GK5: variants seen among roughly 807,000 people sequenced by gnomAD.
GK5 encodes glycerol kinase 5, also known as ATP:glycerol 3-phosphotransferase 5.
A neutral mutation model predicts 77.3 loss-of-function variants in GK5; 39 were observed. The ratio of observed to expected loss-of-function variants is 0.50; its 90% CI spans 0.39 to 0.66. The LOEUF is 0.66. GK5 is among the 30% of genes least tolerant of loss of function. The probability of loss-of-function intolerance (pLI) is 0.00; values close to 1 mark genes in which losing one functional copy is unlikely to be tolerated. For missense variants in GK5, 487 were observed against 633.8 expected (o/e 0.77, Z 2.49); for synonymous variants, 211 against 208.0 (o/e 1.01, Z -0.13).
chr3:142,204,710 A>G lies in GK5; in HGVS notation c.396T>C (p.Asn132=). Residue 132 remains asparagine, a synonymous_variant, in exon 4 of 16, where the codon AAT becomes AAC. Transcript: ENST00000392993. ...RAVELVKSWN[N]SLLMKIFHSS... is the part of the protein sequence containing the mutation. ...AAAAGATTACCTTCATAAGAAGAGA[A>G]TTATTCCAAGATTTTACAAGTTCAA... is the stretch of plus-strand genomic sequence containing the variant. The G allele has an allele frequency of 6.5e-7, 1 of 1,549,982 alleles. No individual in the cohort carries two copies. Among genetic ancestry groups the G allele is most frequent in the Non-Finnish European group, 8.9e-7 (1 of 1,123,344 alleles).
At chr3:142,194,269 T>C (rs2107784507) in intron 5 of GK5, among the ~76,000 whole-genome samples, 1 of 152,152 alleles carries the variant, frequency 6.6e-6, no homozygotes, top group Admixed American at 6.5e-5. Flanking sequence ...CTCACACCTG[T>C]AATCCCAGCA....
At chr3:142,181,247 CTTA>C (rs2063693521) in intron 11 of GK5, among the ~76,000 whole-genome samples, 1 of 152,172 alleles carries the variant, frequency 6.6e-6, no homozygotes, top group Non-Finnish European at 1.5e-5. Context: ...CATAGTTAAA[CTTA>C]TTATTCTTTT....
intron 5 of GK5, among the ~76,000 whole-genome samples, chr3:142,189,915 A>G (rs986537142): frequency 1.3e-5 from 2 of 151,762 alleles, no homozygotes; most frequent in African/African-American, 2.4e-5. Flanking sequence ...TACAAATATA[A>G]TATCAAGGTC....
chr3:142,220,657 G>A (rs2064332252), intron 1 of GK5, among the ~76,000 whole-genome samples: 1 of 152,122 alleles, frequency 6.6e-6, no homozygotes. Flanking sequence ...TAGAGGGCAG[G>A]GAATGTGTCT....
chr3:142,181,678 A>G (rs1310282992), intron 10 of GK5, 113 bp from the exon 11 acceptor site: 9 of 679,302 alleles, frequency 1.3e-5, no homozygotes, highest in Non-Finnish European at 2.0e-5. Flanking sequence ...CTCTGAAGTC[A>G]GACTGTGGAC....
intron 15 of GK5, among the ~76,000 whole-genome samples, chr3:142,167,142 G>A (rs1432420336): frequency 6.6e-6 from 1 of 152,030 alleles, no homozygotes; most frequent in Non-Finnish European, 1.5e-5. Flanking sequence ...GGGAAGCCGA[G>A]GCGGGCAGAT....
At chr3:142,181,094 T>C (rs1029095867) in intron 11 of GK5, among the ~76,000 whole-genome samples, 1 of 152,190 alleles carries the variant, frequency 6.6e-6, no homozygotes, top group South Asian at 2.1e-4. Flanking sequence ...ATTATAGTCA[T>C]TTGATCGTAA....
chr3:142,193,232 C>T (rs1476821150), intron 5 of GK5, among the ~76,000 whole-genome samples: 1 of 151,868 alleles, frequency 6.6e-6, no homozygotes, highest in East Asian at 1.9e-4. Flanking sequence ...TTCTGTAAAC[C>T]TAAAACTACT....
chr3:142,215,022 A>G (rs2064252576), intron 2 of GK5, among the ~76,000 whole-genome samples: 1 of 152,232 alleles, frequency 6.6e-6, no homozygotes. Context: ...CAGCCAGAAA[A>G]ATGAAGTAAA....
intron 3 of GK5, among the ~76,000 whole-genome samples, chr3:142,207,038 G>C (rs896376678): frequency 4.6e-5 from 7 of 152,174 alleles, no homozygotes; most frequent in Non-Finnish European, 1.0e-4. Flanking sequence ...ACTGTGTAAA[G>C]ACAATGCCAG....
chr3:142,224,176 G>A lies in GK5; in HGVS notation c.147+1133C>T, dbSNP rs139818737. On this transcript the variant is annotated intron_variant, in intron 1 of 15. Transcript: ENST00000392993. ...TCTTGGCACTTAGGGAGGCCGAGGC[G>A]GGTGAATTATTTGAGCCCAGGAATT... is the stretch of plus-strand genomic sequence containing the variant. Among the ~76,000 whole-genome samples, 1,408 of 152,236 alleles carry A rather than the reference G, an allele frequency of 9.2e-3. 28 individuals are homozygous for A. Among genetic ancestry groups the A allele is most frequent in the African/African-American group, 0.033 (1,355 of 41,528 alleles).
intron 3 of GK5, among the ~76,000 whole-genome samples, chr3:142,209,702 G>A (rs1256531600): frequency 6.6e-6 from 1 of 152,158 alleles, no homozygotes; most frequent in Non-Finnish European, 1.5e-5. Context: ...TTTGTGCAAT[G>A]GGAATATAGA....
intron 4 of GK5, among the ~76,000 whole-genome samples, chr3:142,201,042 A>T (rs2064013767): frequency 6.6e-6 from 1 of 152,222 alleles, no homozygotes; most frequent in South Asian, 2.1e-4. Context: ...TGCTGATGGG[A>T]AAGTAAATGG....
At chr3:142,180,913 T>A (rs2063687954) in intron 11 of GK5, among the ~76,000 whole-genome samples, 1 of 152,100 alleles carries the variant, frequency 6.6e-6, no homozygotes, top group Non-Finnish European at 1.5e-5. Flanking sequence ...ACAACAAGCT[T>A]AAGGCTTTGA....
rs1421502711 is a variant in GK5 at position 142,183,068 on chromosome 3, T to C, written c.817-19A>G. ...CAGCAACCTACCAAAAATGTTCAAA[T>C]GTAAACCCATTGCCCTTAACAGTGG... is the stretch of plus-strand genomic sequence containing the variant. On this transcript the variant is annotated intron_variant, in intron 9 of 15. Coordinates refer to ENST00000392993, the MANE Select transcript of GK5 (RefSeq NM_001039547.3). 7 of 1,612,898 alleles carry C rather than the reference T, an allele frequency of 4.3e-6. No homozygotes were observed. The African/African-American group carries it at 6.7e-5, about 15-fold the overall frequency.
intron 5 of GK5, among the ~76,000 whole-genome samples, chr3:142,194,951 C>T (rs148124596): frequency 6.6e-6 from 1 of 151,292 alleles, no homozygotes; most frequent in Non-Finnish European, 1.5e-5. Context: ...TTGTCTTGTT[C>T]CCGAACTTAG....
At chr3:142,192,709 A>G (rs887623163) in intron 5 of GK5, among the ~76,000 whole-genome samples, 7 of 151,156 alleles carry the variant, frequency 4.6e-5, no homozygotes, top group African/African-American at 1.7e-4. Context: ...GGTTGCAGTG[A>G]GCTGAGATCA....
Position 142,157,634 on chromosome 3 carries a change from G to A in GK5, c.*7988C>T, listed in dbSNP as rs1333572455. 6.6e-6 allele frequency: 1 copy of A among 152,098 alleles called. No individual in the cohort carries two copies. Among genetic ancestry groups the A allele is most frequent in the Non-Finnish European group, 1.5e-5 (1 of 68,026 alleles). 9.4% of individuals were successfully genotyped at this position (152,098 alleles called of 1,614,324 possible). A position where few individuals can be genotyped will look rare whatever the true frequency, so the allele number is the denominator to read the frequency against. On this transcript the variant is annotated 3_prime_UTR_variant, in exon 16 of 16. Transcript: ENST00000392993. The stretch of plus-strand genomic sequence containing the variant: ...TTTTCAGAAAGGATTTTTAACATCT[G>A]CTAGGCTAATTCCATCATATTAGTA...
intron 1 of GK5, among the ~76,000 whole-genome samples, chr3:142,219,847 T>C (rs1278572576): frequency 1.3e-5 from 2 of 152,136 alleles, no homozygotes; most frequent in Non-Finnish European, 2.9e-5. Flanking sequence ...CCCACACCTG[T>C]AGTTCCAGCT....
Sources: allele counts gnomAD v4.1 joint callset (sites outside exome capture counted in the v4.1 genomes callset), GRCh38; gene constraint gnomAD v4.1.1; transcripts MANE v1.5; gene names NCBI Gene and HGNC (gene_info 2026-07-23, HGNC 2026-07-21).